The following PCID2 variants were observed in gnomAD, a reference collection of about 807,000 sequenced individuals.
PCID2 encodes the protein PCI domain containing 2.
Under a neutral mutation model 61.3 loss-of-function variants are expected in PCID2, and 41 were observed. The observed-to-expected ratio is 0.67, with a 90% CI of 0.52 to 0.87. The LOEUF is 0.87. Ranked by LOEUF, PCID2 falls within the 40% of genes least tolerant of loss-of-function variation. PCID2 has a pLI of 0.00. For missense variants in PCID2, 392 were observed against 493.4 expected, an observed-to-expected ratio of 0.79 and a Z score of 1.95; for synonymous variants, 187 against 177.8, an observed-to-expected ratio of 1.05 and a Z score of -0.41.
chr13:113,191,209 T>C (rs2038590823), intron 6 of PCID2, among the ~76,000 whole-genome samples: 1 of 151,940 alleles, frequency 6.6e-6, no homozygotes, highest in Non-Finnish European at 1.5e-5. Context: ...TTTTTCTTTT[T>C]TTTTTGTAGA....
At chr13:113,200,722 C>T (rs963564053) in intron 1 of PCID2, 18 of 347,400 alleles carry the variant, frequency 5.2e-5, no homozygotes, top group African/African-American at 5.9e-5. Context: ...TTTTTTGAGA[C>T]GGAGTCTCGC....
At chr13:113,207,942 G>C (rs2040025112) in intron 1 of PCID2, 1 of 1,230,216 alleles carries the variant, frequency 8.1e-7, no homozygotes, top group Admixed American at 1.7e-5. Flanking sequence ...TGCTGGTTCT[G>C]AAGACAGGCA....
At chr13:113,184,695 C>A (rs2037941361) in intron 8 of PCID2, among the ~76,000 whole-genome samples, 1 of 152,282 alleles carries the variant, frequency 6.6e-6, no homozygotes, top group African/African-American at 2.4e-5. Flanking sequence ...GGGGCGCAGC[C>A]CTGCAGGAGC....
Position 113,178,116 on chromosome 13 carries a change from T to G in PCID2, c.*82A>C. ...AGAGTTCCGGCTTCAGGGAGCCTTG[T>G]TGCAGTACCGGACCGGTCTCATCAG... On this transcript the variant is annotated 3_prime_UTR_variant, in exon 14 of 14. Transcript: ENST00000337344. 1 of 928,410 alleles carries G rather than the reference T, an allele frequency of 1.1e-6. No individual in the cohort carries two copies. The highest frequency in any genetic ancestry group is 1.7e-6 in the Non-Finnish European group (1 of 598,942). The allele number at this position is 928,410 out of a possible 1,614,324, so 57.5% of individuals were successfully genotyped here.
chr13:113,181,054 G>T, intron 10 of PCID2, 76 bp downstream of exon 10: 2 of 956,908 alleles, frequency 2.1e-6, no homozygotes, highest in Non-Finnish European at 3.4e-6. Context: ...CTGTCTGCTA[G>T]GTTTTAAAAA....
At chr13:113,189,832 G>C (rs1321476153) in intron 7 of PCID2, among the ~76,000 whole-genome samples, 2 of 151,954 alleles carry the variant, frequency 1.3e-5, no homozygotes, top group Non-Finnish European at 2.9e-5. Flanking sequence ...AGACAAGCCT[G>C]GCCAACATGG....
chr13:113,184,122 A>G (rs923966489), intron 9 of PCID2: 27 of 610,320 alleles, frequency 4.4e-5, no homozygotes, highest in Non-Finnish European at 8.2e-6. Context: ...CGATGTCTGT[A>G]ATGCCTGTGA....
intron 2 of PCID2, among the ~76,000 whole-genome samples, chr13:113,199,857 A>T (rs746444154): frequency 2.6e-5 from 4 of 152,210 alleles, no homozygotes; most frequent in Non-Finnish European, 5.9e-5. Context: ...CATAATCACC[A>T]ATAGATAAGC....
At chr13:113,191,321 A>C (rs2038600011) in intron 6 of PCID2, among the ~76,000 whole-genome samples, 1 of 152,128 alleles carries the variant, frequency 6.6e-6, no homozygotes, top group African/African-American at 2.4e-5. Context: ...GGCATGAGCC[A>C]TTGTGCCCAG....
At chr13:113,174,765 T>G (rs1035466985), downstream of PCID2, among the ~76,000 whole-genome samples, 3 of 152,366 alleles carry the variant, frequency 2.0e-5, no homozygotes, top group South Asian at 2.1e-4. Context: ...ATCATAAATG[T>G]GAGCCACCAC....
chr13:113,176,061 C>G (rs910153530), downstream of PCID2, among the ~76,000 whole-genome samples: 3 of 152,246 alleles, frequency 2.0e-5, no homozygotes, highest in Non-Finnish European at 4.4e-5. Context: ...GATGTAGGAG[C>G]GAGCTAAGGA....
At chr13:113,204,462 T>G (rs939199275) in intron 1 of PCID2, among the ~76,000 whole-genome samples, 3 of 152,190 alleles carry the variant, frequency 2.0e-5, no homozygotes, top group Admixed American at 2.0e-4. Context: ...CGGAGACCCC[T>G]GCTGGGGGCA....
chr13:113,207,146 C>G (rs756286436), intron 1 of PCID2, among the ~76,000 whole-genome samples: 1 of 152,172 alleles, frequency 6.6e-6, no homozygotes, highest in African/African-American at 2.4e-5. Flanking sequence ...CTTTTGCCAG[C>G]TAAGTTGTAT....
intron 1 of PCID2, among the ~76,000 whole-genome samples, chr13:113,203,489 G>A (rs1339031254): frequency 6.6e-6 from 1 of 152,220 alleles, no homozygotes; most frequent in African/African-American, 2.4e-5. Flanking sequence ...CTGTTTAGGG[G>A]AAAGGGTTAG....
chr13:113,168,437 G>A, the PCID2 span, among the ~76,000 whole-genome samples: 1 of 152,238 alleles, frequency 6.6e-6, no homozygotes, highest in Non-Finnish European at 1.5e-5. Flanking sequence ...CAGAGCCCCA[G>A]GCTGGCAGCA....
chr13:113,181,102 C>A, intron 10 of PCID2, 28 bp downstream of exon 10: 1 of 1,421,800 alleles, frequency 7.0e-7, no homozygotes, highest in Non-Finnish European at 1.0e-6. Flanking sequence ...GCACCAGGAT[C>A]TATAAACATG....
At chr13:113,166,933 G>A in the PCID2 span, among the ~76,000 whole-genome samples, 1 of 152,276 alleles carries the variant, frequency 6.6e-6, no homozygotes, top group East Asian at 1.9e-4. Flanking sequence ...ATATAACCAG[G>A]GAGGAGGCAT....
intron 2 of PCID2, among the ~76,000 whole-genome samples, chr13:113,198,882 CTTG>C (rs1205267901): frequency 1.3e-5 from 2 of 152,168 alleles, no homozygotes; most frequent in African/African-American, 4.8e-5. Flanking sequence ...TCAAGAAATA[CTTG>C]TTAAGTAACT....
chr13:113,196,376 AG>A (rs1347782382), intron 4 of PCID2, 154 bp from the exon 5 acceptor site: 2 of 555,842 alleles, frequency 3.6e-6, no homozygotes, highest in Non-Finnish European at 6.4e-6. Flanking sequence ...AAAAGGTATA[AG>A]CTCACATTAC....
Sources: gnomAD v4.1 joint callset for allele counts (sites outside exome capture counted in the v4.1 genomes callset) on GRCh38, gnomAD v4.1.1 for gene constraint, MANE v1.5 for transcripts, NCBI Gene and HGNC (gene_info 2026-07-23, HGNC 2026-07-21) for gene names.